AP3B1: variants seen among roughly 807,000 people sequenced by gnomAD.
AP3B1 encodes the protein adaptor related protein complex 3 subunit beta 1.
AP3B1 carries 61 observed loss-of-function variants against 132.5 expected under a neutral mutation model. The ratio of observed to expected loss-of-function variants is 0.46; its 90% CI spans 0.37 to 0.57. AP3B1 has a LOEUF of 0.57. Ranked by LOEUF, AP3B1 falls within the 20% of genes least tolerant of loss-of-function variation. AP3B1 has a pLI of 0.00. For missense variants in AP3B1, 1,120 were observed against 1,289.4 expected, an observed-to-expected ratio of 0.87 and a Z score of 2.01; for synonymous variants, 388 against 438.3, an observed-to-expected ratio of 0.89 and a Z score of 1.43.
chr5:78,267,657 A>C, intron 1 of AP3B1, 62 bp from the exon 2 acceptor site: 1 of 1,012,282 alleles, frequency 9.9e-7, no homozygotes. Context: ...AGCTTAAAAT[A>C]TATCATTTTC....
intron 22 of AP3B1, among the ~76,000 whole-genome samples, chr5:78,070,163 T>A (rs1749472900): frequency 6.6e-6 from 1 of 152,090 alleles, no homozygotes; most frequent in Non-Finnish European, 1.5e-5. Flanking sequence ...TCCCAGCACT[T>A]TGGGAGGCTG....
rs891434623 is a variant in AP3B1 at position 78,171,134 on chromosome 5, T to C, written c.1167+4492A>G. Among the ~76,000 whole-genome samples the C allele has an allele frequency of 4.6e-5, 7 of 152,204 alleles. No homozygotes were observed. The East Asian group carries it at 9.6e-4, about 21-fold the overall frequency. ...CAGTACCATGCTGTTTTGGTTACTGTAGCCTCGTAGTATAGTTTGAAGTCA... is the reference window on the plus strand; with the variant it reads ...CAGTACCATGCTGTTTTGGTTACTGCAGCCTCGTAGTATAGTTTGAAGTCA... On this transcript the variant is annotated intron_variant, in intron 11 of 26. Transcript: ENST00000255194.
intron 7 of AP3B1, among the ~76,000 whole-genome samples, chr5:78,184,495 G>T (rs1387286362): frequency 6.6e-6 from 1 of 151,692 alleles, no homozygotes; most frequent in African/African-American, 2.4e-5. Flanking sequence ...GACCATCCTG[G>T]CTAACACGGT....
intron 2 of AP3B1, among the ~76,000 whole-genome samples, chr5:78,265,286 TA>T (rs1006554453): frequency 2.1e-4 from 31 of 150,970 alleles, no homozygotes; most frequent in African/African-American, 7.3e-4. Context: ...AAAATAAAAA[TA>T]AAAAAATTAG....
At chr5:78,076,351 A>G (rs1412470067) in intron 22 of AP3B1, among the ~76,000 whole-genome samples, 1 of 152,230 alleles carries the variant, frequency 6.6e-6, no homozygotes, top group Non-Finnish European at 1.5e-5. Flanking sequence ...TGAATAAAAC[A>G]CTTAATTGGC....
chr5:78,248,505 A>AG (rs1699718459), intron 2 of AP3B1, among the ~76,000 whole-genome samples: 1 of 151,136 alleles, frequency 6.6e-6, no homozygotes, highest in East Asian at 1.9e-4. Flanking sequence ...AAAAAAAAAA[A>AG]AAAAAAAAAA....
In AP3B1 at chr5:78,110,297, AT is replaced by A. The variant is rs1239401052; in HGVS notation, c.2306del (p.Asn769MetfsTer7). ...TGTCTTCTATTGAACTAGATTCGTC[AT>A]TTGAAGAATCTGAAGTTTTAGATTT... is the stretch of plus-strand genomic sequence containing the variant. ...NEKSKTSDSS[N>X]DESSSIEDSS... On this transcript the variant is annotated frameshift_variant, in exon 20 of 27. Transcript: ENST00000255194. LOFTEE classifies it high-confidence loss of function. The A allele has an allele frequency of 3.1e-6, 5 of 1,609,826 alleles. No homozygotes were observed. Among genetic ancestry groups the A allele is most frequent in the Non-Finnish European group, 4.2e-6 (5 of 1,177,246 alleles).
chr5:78,072,599 C>T (rs1163355289), intron 22 of AP3B1, among the ~76,000 whole-genome samples: 1 of 149,938 alleles, frequency 6.7e-6, no homozygotes, highest in African/African-American at 2.5e-5. Flanking sequence ...GTCATAAATT[C>T]AGTAATGAAA....
chr5:78,140,807 A>G (rs1004921532), intron 15 of AP3B1, among the ~76,000 whole-genome samples: 1 of 151,838 alleles, frequency 6.6e-6, no homozygotes, highest in African/African-American at 2.4e-5. Context: ...ACAGTAAACC[A>G]CTCTTACAAG....
intron 26 of AP3B1, among the ~76,000 whole-genome samples, chr5:78,006,832 T>C (rs1314082302): frequency 6.6e-6 from 1 of 152,226 alleles, no homozygotes; most frequent in Non-Finnish European, 1.5e-5. Context: ...CTGTATTTCA[T>C]CTTATTAAAT....
intron 2 of AP3B1, among the ~76,000 whole-genome samples, chr5:78,248,451 C>T (rs1479385404): frequency 7.2e-6 from 1 of 139,634 alleles, no homozygotes; most frequent in East Asian, 2.1e-4. Flanking sequence ...CGAGATCACA[C>T]CACTACACTC....
At position 78,153,266 on chromosome 5, in the gene AP3B1, T is replaced by C. The variant is rs367908954; in HGVS notation, c.1473+2992A>G. On this transcript the variant is annotated intron_variant, in intron 14 of 26. Coordinates refer to ENST00000255194, the MANE Select transcript of AP3B1 (RefSeq NM_003664.5). Reference sequence around the variant, plus strand: ...AAAGTCATTATATCCTCTTGCTGAATTGACTCTTTATCATTAAATAATGAC... The same window carrying C: ...AAAGTCATTATATCCTCTTGCTGAACTGACTCTTTATCATTAAATAATGAC... 7.2e-5 allele frequency among the ~76,000 whole-genome samples: 11 copies of C among 152,320 alleles called. No homozygotes were observed. In the East Asian group the frequency reaches 1.5e-3, roughly 21 times the overall value.
At chr5:78,292,982 G>A (rs954185131) in intron 1 of AP3B1, among the ~76,000 whole-genome samples, 1 of 151,962 alleles carries the variant, frequency 6.6e-6, no homozygotes, top group African/African-American at 2.4e-5. Flanking sequence ...GGGTTCAAGC[G>A]ATTCTCCTGC....
chr5:78,218,630 A>G (rs972159729), intron 6 of AP3B1, among the ~76,000 whole-genome samples: 2 of 152,148 alleles, frequency 1.3e-5, no homozygotes, highest in African/African-American at 4.8e-5. Flanking sequence ...AAAAAATCAC[A>G]CTAAGCAAAT....
intron 1 of AP3B1, among the ~76,000 whole-genome samples, chr5:78,290,414 G>A (rs2112599312): frequency 6.6e-6 from 1 of 152,124 alleles, no homozygotes; most frequent in Admixed American, 6.5e-5. Context: ...ACACCAAGAT[G>A]CTCTCAAAGG....
downstream of AP3B1, chr5:78,001,841 C>T (rs1027326329): frequency 3.3e-5 from 5 of 152,004 alleles, no homozygotes; most frequent in Admixed American, 2.6e-4. Context: ...TAAAAAGGTA[C>T]GAAAGTATTA....
intron 22 of AP3B1, among the ~76,000 whole-genome samples, chr5:78,063,446 T>C (rs189523855): frequency 3.3e-5 from 5 of 152,312 alleles, no homozygotes; most frequent in African/African-American, 1.2e-4. Context: ...TCAACAGCAA[T>C]TGACAAAATG....
chr5:78,213,692 C>A (rs1385729817), intron 7 of AP3B1, among the ~76,000 whole-genome samples: 1 of 152,048 alleles, frequency 6.6e-6, no homozygotes. Context: ...AAATTTATAA[C>A]CACCAGAGTA....
intron 12 of AP3B1, among the ~76,000 whole-genome samples, chr5:78,165,270 A>G (rs993710533): frequency 1.3e-5 from 2 of 152,170 alleles, no homozygotes; most frequent in Non-Finnish European, 2.9e-5. Context: ...ACCAGGTAAG[A>G]AATGAAACCG....
Sources: gnomAD v4.1 joint callset for allele counts (sites outside exome capture counted in the v4.1 genomes callset) on GRCh38, gnomAD v4.1.1 for gene constraint, MANE v1.5 for transcripts, NCBI Gene and HGNC (gene_info 2026-07-23, HGNC 2026-07-21) for gene names.